The following ARNT2 variants were observed in gnomAD, a reference collection of about 807,000 sequenced individuals.
ARNT2 encodes the protein ARNT protein 2.
A neutral mutation model predicts 91.7 loss-of-function variants in ARNT2; 36 were observed. That is an observed-to-expected ratio of 0.39 (90% confidence interval 0.30 to 0.52). The LOEUF is 0.52. Ranked by LOEUF, ARNT2 falls within the 20% of genes least tolerant of loss-of-function variation. The probability of loss-of-function intolerance (pLI) is 0.72; values close to 1 mark genes in which losing one functional copy is unlikely to be tolerated. For synonymous variants in ARNT2, 365 were observed against 347.1 expected (o/e 1.05, Z -0.57); for missense variants, 775 against 939.3 (o/e 0.83, Z 2.29).
chr15:80,415,271 G>A (rs1426039044), intron 1 of ARNT2, among the ~76,000 whole-genome samples: 3 of 152,168 alleles, frequency 2.0e-5, no homozygotes, highest in Non-Finnish European at 4.4e-5. Flanking sequence ...CCATTCATTG[G>A]CCCAAGCCAG....
At chr15:80,476,685 A>G (rs1400801848) in intron 5 of ARNT2, among the ~76,000 whole-genome samples, 2 of 152,256 alleles carry the variant, frequency 1.3e-5, no homozygotes, top group African/African-American at 2.4e-5. Context: ...CTAGGATGCC[A>G]TAACAAAATA....
chr15:80,550,663 C>T (rs180732239), intron 8 of ARNT2, among the ~76,000 whole-genome samples: 53 of 152,346 alleles, frequency 3.5e-4, no homozygotes, highest in Admixed American at 3.4e-3. Flanking sequence ...GTTTTCAGTG[C>T]TTAGCATAAC....
chr15:80,411,982 A>G (rs1461476812), intron 1 of ARNT2, among the ~76,000 whole-genome samples: 1 of 152,232 alleles, frequency 6.6e-6, no homozygotes, highest in Non-Finnish European at 1.5e-5. Context: ...CTTAATTACC[A>G]GCAGTTACTG....
chr15:80,444,342 T>G (rs1202235440), intron 1 of ARNT2: 1 of 148,142 alleles, frequency 6.8e-6, no homozygotes, highest in African/African-American at 2.6e-5. Context: ...GTGTGTGTGG[T>G]TTGTGTGTAC....
At position 80,506,911 on chromosome 15, in the gene ARNT2, G is replaced by C. The variant is rs567934365; in HGVS notation, c.623-1245G>C. On this transcript the variant is annotated intron_variant, in intron 5 of 18. Transcript: ENST00000303329. The stretch of plus-strand genomic sequence containing the variant: ...AGGGACTGGCCAAGGATAAGGACAA[G>C]GTGGAGAGGGGCTGAAGAGTGTGTA... Among the ~76,000 whole-genome samples, 45 of 152,320 alleles carry C rather than the reference G, an allele frequency of 3.0e-4. No homozygotes were observed. The South Asian group carries it at 8.1e-3, about 27-fold the overall frequency.
chr15:80,593,488 GC>G, intron 18 of ARNT2, 111 bp from the exon 19 acceptor site: 1 of 801,168 alleles, frequency 1.2e-6, no homozygotes. Flanking sequence ...CCTCTGGGCT[GC>G]CCCTTTAGGG....
chr15:80,426,911 C>T (rs1895940456), intron 1 of ARNT2, among the ~76,000 whole-genome samples: 1 of 152,270 alleles, frequency 6.6e-6, no homozygotes, highest in South Asian at 2.1e-4. Context: ...TATGTCCTCA[C>T]GTGGCAGAGG....
At position 80,596,938 on chromosome 15, in the gene ARNT2, A is replaced by G; in HGVS notation, c.*3240A>G. The G allele has an allele frequency of 2.8e-6, 1 of 354,234 alleles. No individual in the cohort carries two copies. The highest frequency in any genetic ancestry group is 5.6e-6 in the Non-Finnish European group (1 of 179,724). 21.9% of individuals were successfully genotyped at this position (354,234 alleles called of 1,614,324 possible). ...CGTCACTCCCCCCAGTTTTATTTTT[A>G]GCTTTGGCTTCAGGGAGTGACAGCC... On this transcript the variant is annotated 3_prime_UTR_variant, in exon 19 of 19. Transcript: ENST00000303329.
chr15:80,518,400 C>T (rs1897478500), intron 8 of ARNT2, among the ~76,000 whole-genome samples: 1 of 149,744 alleles, frequency 6.7e-6, no homozygotes, highest in South Asian at 2.1e-4. Context: ...CCTGTCTCAG[C>T]CTCCGAAGTA....
chr15:80,451,623 A>AAACC (rs949718271), intron 2 of ARNT2, among the ~76,000 whole-genome samples: 1 of 152,066 alleles, frequency 6.6e-6, no homozygotes, highest in Non-Finnish European at 1.5e-5. Flanking sequence ...CAGACCTGAA[A>AAACC]AACCAACCAA....
At chr15:80,418,546 CAG>C (rs1420343724) in intron 1 of ARNT2, among the ~76,000 whole-genome samples, 1 of 152,234 alleles carries the variant, frequency 6.6e-6, no homozygotes, top group Admixed American at 6.5e-5. Flanking sequence ...TCCTCACTGA[CAG>C]AGTGGGGTAA....
intron 12 of ARNT2, among the ~76,000 whole-genome samples, chr15:80,564,268 G>A (rs771147117): frequency 1.3e-5 from 2 of 151,980 alleles, no homozygotes; most frequent in East Asian, 3.9e-4. Context: ...ATCCCTTCTC[G>A]GTAGCCTCCC....
intron 8 of ARNT2, among the ~76,000 whole-genome samples, chr15:80,532,823 T>C (rs775099208): frequency 6.6e-6 from 1 of 152,220 alleles, no homozygotes; most frequent in Admixed American, 6.5e-5. Context: ...AATGAATGGC[T>C]TTGAAATTGT....
At position 80,574,061 on chromosome 15, in the gene ARNT2, C is replaced by T. The variant is rs529469996; in HGVS notation, c.1317-87C>T. On this transcript the variant is annotated intron_variant, in intron 12 of 18. Transcript: ENST00000303329. ...GATCCATCGGATATCACCCACTCTG[C>T]CTCTGAGGTATGGGAAAAGTCCTGG... The T allele has an allele frequency of 4.7e-5, 50 of 1,062,764 alleles. No homozygotes were observed. In the East Asian group the frequency reaches 1.2e-3, roughly 25 times the overall value. The allele number at this position is 1,062,764 out of a possible 1,614,324, so 65.8% of individuals were successfully genotyped here.
At chr15:80,416,946 A>G (rs1050989594) in intron 1 of ARNT2, among the ~76,000 whole-genome samples, 5 of 152,306 alleles carry the variant, frequency 3.3e-5, no homozygotes, top group African/African-American at 1.2e-4. Context: ...TTTGGGTCCT[A>G]TACACCATTT....
chr15:80,593,306 C>T (rs933251023), intron 18 of ARNT2, among the ~76,000 whole-genome samples: 76 of 152,316 alleles, frequency 5.0e-4, no homozygotes, highest in East Asian at 3.9e-4. Context: ...GGGGTCTCCC[C>T]GCCAGTGGGG....
At chr15:80,490,792 CG>C (rs1897045718) in intron 5 of ARNT2, among the ~76,000 whole-genome samples, 2 of 152,208 alleles carry the variant, frequency 1.3e-5, no homozygotes, top group African/African-American at 4.8e-5. Context: ...GCACTAGAAA[CG>C]GAAGATGCAG....
At chr15:80,478,999 A>C (rs1896847252) in intron 5 of ARNT2, among the ~76,000 whole-genome samples, 1 of 152,142 alleles carries the variant, frequency 6.6e-6, no homozygotes, top group Non-Finnish European at 1.5e-5. Context: ...GGAGCCAGGC[A>C]AGGCCTGCTG....
chr15:80,584,292 G>C (rs1294145594), intron 17 of ARNT2, among the ~76,000 whole-genome samples: 1 of 152,176 alleles, frequency 6.6e-6, no homozygotes, highest in African/African-American at 2.4e-5. Context: ...CTGGAAAATG[G>C]GTGGACACCA....
Sources: gnomAD v4.1 joint callset for allele counts (sites outside exome capture counted in the v4.1 genomes callset) on GRCh38, gnomAD v4.1.1 for gene constraint, MANE v1.5 for transcripts, NCBI Gene and HGNC (gene_info 2026-07-23, HGNC 2026-07-21) for gene names.